NAALADL2: variants seen among roughly 807,000 people sequenced by gnomAD.
NAALADL2 encodes the protein inactive N-acetylated-alpha-linked acidic dipeptidase-like protein 2.
NAALADL2 carries 76 observed loss-of-function variants against 87.2 expected under a neutral mutation model. The observed-to-expected ratio is 0.87, with a 90% CI of 0.72 to 1.05. The LOEUF is 1.05. Among genes scored for constraint, NAALADL2 ranks in the 50% least tolerant of loss-of-function variants. The pLI is 0.00. For synonymous variants in NAALADL2, 354 were observed against 331.0 expected, an observed-to-expected ratio of 1.07 and a Z score of -0.75; for missense variants, 1,089 against 945.8, an observed-to-expected ratio of 1.15 and a Z score of -1.99.
At chr3:175,711,112 C>G (rs927231040) in intron 11 of NAALADL2, among the ~76,000 whole-genome samples, 3 of 151,720 alleles carry the variant, frequency 2.0e-5, no homozygotes, top group Non-Finnish European at 2.9e-5. Flanking sequence ...GAAAATATTT[C>G]CTATGCATGA....
intron 13 of NAALADL2, among the ~76,000 whole-genome samples, chr3:175,761,593 G>A (rs1019448142): frequency 4.6e-5 from 7 of 151,734 alleles, no homozygotes; most frequent in African/African-American, 1.7e-4. Context: ...CTTTCCAAGG[G>A]GCTATATCAT....
chr3:175,324,431 G>T, intron 5 of NAALADL2, 106 bp downstream of exon 5: 2 of 828,074 alleles, frequency 2.4e-6, no homozygotes, highest in Non-Finnish European at 3.6e-6. Flanking sequence ...ATAATTCTTA[G>T]CATCCCATCT....
intron 2 of NAALADL2, among the ~76,000 whole-genome samples, chr3:175,214,480 T>C: frequency 6.6e-6 from 1 of 152,188 alleles, no homozygotes; most frequent in East Asian, 1.9e-4. Flanking sequence ...CAAATGTCAG[T>C]TACTGATTTG....
chr3:174,875,551 C>A (rs540788713), intron 1 of NAALADL2, among the ~76,000 whole-genome samples: 1 of 152,154 alleles, frequency 6.6e-6, no homozygotes, highest in Admixed American at 6.5e-5. Flanking sequence ...AAAATGATTT[C>A]TAAAGTTCTT....
intron 3 of NAALADL2, among the ~76,000 whole-genome samples, chr3:174,753,608 C>T (rs1711559460): frequency 6.6e-6 from 1 of 152,092 alleles, no homozygotes; most frequent in South Asian, 2.1e-4. Context: ...CTTCTGTCCA[C>T]AGTGGGGAGG....
chr3:175,661,058 T>C (rs1014740406), intron 11 of NAALADL2, among the ~76,000 whole-genome samples: 1 of 152,084 alleles, frequency 6.6e-6, no homozygotes, highest in Admixed American at 6.6e-5. Context: ...TTTTAGTTTT[T>C]TGAAGAACCC....
Position 175,149,884 on chromosome 3 carries a change from T to C in NAALADL2, c.545+52593T>C, listed in dbSNP as rs141090137. 2.8e-3 allele frequency among the ~76,000 whole-genome samples: 430 copies of C among 152,248 alleles called. 2 individuals are homozygous for C. Among genetic ancestry groups the C allele is most frequent in the African/African-American group, 9.5e-3 (393 of 41,542 alleles). ...TCTGCTGAGGTATTCAGACAAAGAC[T>C]CTTGGAAGCGGGCCAGGTTTGTGCA... On this transcript the variant is annotated intron_variant, in intron 2 of 13. Coordinates refer to ENST00000454872, the MANE Select transcript of NAALADL2 (RefSeq NM_207015.3).
intron 2 of NAALADL2, among the ~76,000 whole-genome samples, chr3:175,216,007 T>C (rs1742461475): frequency 6.6e-6 from 1 of 152,200 alleles, no homozygotes. Context: ...CAGTAGATCC[T>C]TAATGGATGA....
chr3:175,331,382 A>G (rs1396249683), intron 5 of NAALADL2, among the ~76,000 whole-genome samples: 4 of 152,230 alleles, frequency 2.6e-5, no homozygotes, highest in Non-Finnish European at 5.9e-5. Context: ...CCTGATGAAC[A>G]TAGACACAAA....
intron 9 of NAALADL2, among the ~76,000 whole-genome samples, chr3:175,558,123 A>G (rs2149507570): frequency 7.2e-6 from 1 of 139,512 alleles, no homozygotes; most frequent in South Asian, 2.5e-4. Context: ...TGAACCCGGG[A>G]GGCGGAGCTT....
At chr3:175,402,946 G>C (rs979334726) in intron 5 of NAALADL2, among the ~76,000 whole-genome samples, 3 of 152,078 alleles carry the variant, frequency 2.0e-5, no homozygotes, top group African/African-American at 7.2e-5. Context: ...ATTCTACTTT[G>C]ACACTTTTAA....
chr3:175,464,635 C>A (rs1723699330), intron 7 of NAALADL2, among the ~76,000 whole-genome samples: 1 of 152,040 alleles, frequency 6.6e-6, no homozygotes, highest in Non-Finnish European at 1.5e-5. Context: ...GAGAATTATT[C>A]TTTTCCATGA....
intron 9 of NAALADL2, among the ~76,000 whole-genome samples, chr3:175,520,275 G>T (rs1582229320): frequency 7.0e-6 from 1 of 142,626 alleles, no homozygotes; most frequent in Non-Finnish European, 1.5e-5. Context: ...AAATTCTAAA[G>T]AATGCAATTT....
chr3:174,766,389 A>G (rs1014973746), intron 3 of NAALADL2, among the ~76,000 whole-genome samples: 1 of 152,166 alleles, frequency 6.6e-6, no homozygotes, highest in African/African-American at 2.4e-5. Flanking sequence ...TTGAGGGTCA[A>G]TGCTTTCTTC....
chr3:175,223,510 A>G (rs1202022596), intron 2 of NAALADL2, among the ~76,000 whole-genome samples: 7 of 152,084 alleles, frequency 4.6e-5, no homozygotes, highest in African/African-American at 1.4e-4. Flanking sequence ...TAGATACCAC[A>G]TATTCTTTAC....
At chr3:175,368,921 C>T (rs192852243) in intron 5 of NAALADL2, among the ~76,000 whole-genome samples, 293 of 152,034 alleles carry the variant, frequency 1.9e-3, no homozygotes, top group Admixed American at 2.7e-3. Flanking sequence ...AATTGCCACC[C>T]CTGTATAGGG....
At chr3:174,959,325 T>TA (rs1271214616) in intron 1 of NAALADL2, among the ~76,000 whole-genome samples, 1 of 151,976 alleles carries the variant, frequency 6.6e-6, no homozygotes, top group East Asian at 1.9e-4. Flanking sequence ...GTTCATACCT[T>TA]AAAATCAAGT....
At chr3:174,851,321 T>A (rs531198171) in intron 3 of NAALADL2, among the ~76,000 whole-genome samples, 31 of 147,864 alleles carry the variant, frequency 2.1e-4, no homozygotes, top group African/African-American at 7.7e-4. Context: ...AGAAGGTTTT[T>A]GGGGGAAAGA....
intron 3 of NAALADL2, among the ~76,000 whole-genome samples, chr3:174,763,992 TAG>T (rs1713438337): frequency 6.6e-6 from 1 of 152,166 alleles, no homozygotes; most frequent in South Asian, 2.1e-4. Context: ...AAATAAATCA[TAG>T]AGTTTTTAAA....
Sources: gnomAD v4.1 joint callset for allele counts (sites outside exome capture counted in the v4.1 genomes callset) on GRCh38, gnomAD v4.1.1 for gene constraint, MANE v1.5 for transcripts, NCBI Gene and HGNC (gene_info 2026-07-23, HGNC 2026-07-21) for gene names.